AHNAK: variants seen among roughly 807,000 people sequenced by gnomAD.
AHNAK encodes the protein AHNAK nucleoprotein.
Under a neutral mutation model 37.8 loss-of-function variants are expected in AHNAK, and 23 were observed. The ratio of observed to expected loss-of-function variants is 0.61; its 90% CI spans 0.44 to 0.86. The LOEUF is 0.86. Among genes scored for constraint, AHNAK ranks in the 40% least tolerant of loss-of-function variants. AHNAK has a pLI of 0.00. For synonymous variants in AHNAK, 2,481 were observed against 2,636.3 expected (o/e 0.94, Z 1.80); for missense variants, 7,411 against 7,319.4 (o/e 1.01, Z -0.46).
intron 4 of AHNAK, 108 bp from the exon 5 acceptor site, chr11:62,534,182 G>A (rs1460682660): frequency 4.8e-6 from 6 of 1,238,464 alleles, no homozygotes; most frequent in Non-Finnish European, 5.4e-6. Flanking sequence ...AGAGAAGCTG[G>A]GACCAAAACA....
intron 1 of AHNAK, among the ~76,000 whole-genome samples, chr11:62,538,697 G>T (rs558980576): frequency 6.6e-5 from 10 of 152,212 alleles, no homozygotes; most frequent in Admixed American, 2.0e-4. Context: ...CATCACTCAC[G>T]CACCCATGTG....
chr11:62,526,106 T>C lies in AHNAK; in HGVS notation c.8311A>G (p.Met2771Val), dbSNP rs776630987. Residue 2771 changes from methionine (M) to valine (V), a missense_variant, in exon 5 of 5, where the codon ATG becomes GTG. Physicochemically the swap from Met to Val is conservative, Grantham distance 21. Transcript: ENST00000378024. ...AAGCCAGGCATGCTGATCTTGGGCATTTTTATCTTGGGCATCTTTAGGTGC... is the reference window on the plus strand; with the variant it reads ...AAGCCAGGCATGCTGATCTTGGGCACTTTTATCTTGGGCATCTTTAGGTGC... ...DWHLKMPKIK[M>V]PKISMPGFKG... 40 of 1,613,218 alleles carry C rather than the reference T, an allele frequency of 2.5e-5. No homozygotes were observed. In the East Asian group the frequency reaches 8.0e-4, roughly 32 times the overall value.
At chr11:62,446,266 C>T (rs1938421656) in intron 5 of AHNAK, among the ~76,000 whole-genome samples, 1 of 152,094 alleles carries the variant, frequency 6.6e-6, no homozygotes, top group South Asian at 2.1e-4. Flanking sequence ...AGGACCTGAA[C>T]CTGGAACCTG....
intron 5 of AHNAK, among the ~76,000 whole-genome samples, chr11:62,484,638 G>A (rs1385726163): frequency 1.3e-5 from 2 of 152,066 alleles, no homozygotes; most frequent in South Asian, 2.1e-4. Context: ...GAAAAGATGG[G>A]GTCTGAAGAG....
chr11:62,526,526 C>T lies in AHNAK; in HGVS notation c.7891G>A (p.Gly2631Ser), dbSNP rs767093020. 3 of 1,612,994 alleles carry T rather than the reference C, an allele frequency of 1.9e-6. No homozygotes were observed. The highest frequency in any genetic ancestry group is 4.5e-5 in the East Asian group (2 of 44,786). The change falls in exon 5 of 5, where the codon GGC becomes AGC. Residue 2631 changes from glycine to serine, a missense_variant. Physicochemically the swap from Gly to Ser is moderately conservative, Grantham distance 56. Coordinates refer to ENST00000378024, the MANE Select transcript of AHNAK (RefSeq NM_001620.3). ...GGCATCTTCAGGTGCCAGTCTGGGC[C>T]TTGAACACCCACATCTGGGGCATTA... Reference protein sequence around the residue: ...DINAPDVGVQGPDWHLKMPKV... With the variant: ...DINAPDVGVQSPDWHLKMPKV...
intron 5 of AHNAK, among the ~76,000 whole-genome samples, chr11:62,458,238 A>T (rs899683274): frequency 5.3e-5 from 8 of 152,044 alleles, no homozygotes; most frequent in Admixed American, 1.3e-4. Context: ...AAATTTTTTT[A>T]AAAAGAGAGA....
chr11:62,522,166 A>C lies in AHNAK; in HGVS notation c.12251T>G (p.Leu4084Trp), dbSNP rs1040753253. The C allele has an allele frequency of 3.1e-6, 5 of 1,613,668 alleles. No individual in the cohort carries two copies. Among genetic ancestry groups the C allele is most frequent in the African/African-American group, 1.3e-5 (1 of 74,816 alleles). The change falls in exon 5 of 5, where the codon TTG becomes TGG. Residue 4084 changes from leucine to tryptophan, a missense_variant. Leu to Trp is a moderately conservative substitution (Grantham distance 61, BLOSUM62 -2). Coordinates refer to ENST00000378024, the MANE Select transcript of AHNAK (RefSeq NM_001620.3). ...KGEGPEVDVN[L>W]PKADIDVSGP... ...TGAGACATCAATGTCAGCTTTGGGC[A>C]AATTAACATCCACTTCTGGGCCCTC...
Position 62,531,233 on chromosome 11 carries a change from A to G in AHNAK, c.3184T>C (p.Phe1062Leu). The stretch of plus-strand genomic sequence containing the variant: ...GGCAAAGACATCTTAGGAGCTCTGA[A>G]GTGCATCTCAGGCATCTTAAACTTC... ...GPKFKMPEMH[F>L]RAPKMSLPDV... Residue 1062 changes from phenylalanine (F) to leucine (L), a missense_variant, in exon 5 of 5, where the codon TTC becomes CTC. Coordinates refer to ENST00000378024, the MANE Select transcript of AHNAK (RefSeq NM_001620.3). 1 of 1,614,084 alleles carries G rather than the reference A, an allele frequency of 6.2e-7. No homozygotes were observed. Among genetic ancestry groups the G allele is most frequent in the Non-Finnish European group, 8.5e-7 (1 of 1,180,004 alleles).
In AHNAK at chr11:62,525,932, G is replaced by A. The variant is rs752978847; in HGVS notation, c.8485C>T (p.His2829Tyr). The A allele has an allele frequency of 6.2e-7, 1 of 1,613,768 alleles. No homozygotes were observed. The highest frequency in any genetic ancestry group is 2.2e-5 in the East Asian group (1 of 44,836). Residue 2829 changes from histidine (H) to tyrosine (Y), a missense_variant, in exon 5 of 5, where the codon CAT (histidine) becomes TAT (tyrosine). His to Tyr is a moderately conservative substitution (Grantham distance 83, BLOSUM62 2). Coordinates refer to ENST00000378024, the MANE Select transcript of AHNAK (RefSeq NM_001620.3). ...KSPKFKMPEM[H>Y]FKTPKISMPD... ...ATGGATATCTTTGGAGTCTTAAAATGCATCTCTGGCATCTTAAACTTTGGA... is the reference window on the plus strand; with the variant it reads ...ATGGATATCTTTGGAGTCTTAAAATACATCTCTGGCATCTTAAACTTTGGA...
Position 62,499,668 on chromosome 11 carries a change from A to AG in AHNAK, c.343-7838dup, listed in dbSNP as rs1183580684. On this transcript the variant is annotated intron_variant, in intron 4 of 5. Transcript: ENST00000257247. Reference sequence around the variant, plus strand: ...CACAAAGGGGAAAGGGGTGTGGCCGAGTGCTGGTGGGGCTTAGGAGCTCCT... The same window carrying AG: ...CACAAAGGGGAAAGGGGTGTGGCCGAGGTGCTGGTGGGGCTTAGGAGCTCCT... Among the ~76,000 whole-genome samples the AG allele has an allele frequency of 6.6e-4, 101 of 152,286 alleles. 1 individual carries two copies. In the South Asian group the frequency reaches 0.021, roughly 31 times the overall value.
Position 62,519,053 on chromosome 11 carries a change from G to A in AHNAK, c.15364C>T (p.Leu5122=), listed in dbSNP as rs756855781. 6.2e-7 allele frequency: 1 copy of A among 1,613,286 alleles called. No individual in the cohort carries two copies. Among genetic ancestry groups the A allele is most frequent in the Non-Finnish European group, 8.5e-7 (1 of 1,179,468 alleles). Residue 5122 remains leucine (L), a synonymous_variant, in exon 5 of 5, where the codon CTG becomes TTG. Transcript: ENST00000378024. ...KLEGELQAPD[L]ELSLPAIHVE... ...TGAATCGCTGGCAAAGAAAGTTCCA[G>A]ATCAGGTGCCTGGAGTTCACCCTCC...
chr11:62,464,947 C>G (rs529487773), intron 5 of AHNAK, among the ~76,000 whole-genome samples: 10 of 152,368 alleles, frequency 6.6e-5, no homozygotes, highest in Non-Finnish European at 1.2e-4. Context: ...CAGTAACAAA[C>G]AGCTCCTGGA....
chr11:62,503,947 G>A (rs935112440), intron 4 of AHNAK, among the ~76,000 whole-genome samples: 2 of 151,978 alleles, frequency 1.3e-5, no homozygotes, highest in Non-Finnish European at 2.9e-5. Context: ...GATCACCTGA[G>A]GTCAGGAGTT....
At chr11:62,477,332 C>A (rs912645923) in intron 5 of AHNAK, among the ~76,000 whole-genome samples, 4 of 152,016 alleles carry the variant, frequency 2.6e-5, no homozygotes, top group Non-Finnish European at 5.9e-5. Context: ...GGTCTGAAGC[C>A]GCAATTATTT....
rs769805147 is a variant in AHNAK at position 62,433,817 on chromosome 11, G to A, written c.*67C>T. The A allele has an allele frequency of 2.5e-5, 40 of 1,605,870 alleles. No homozygotes were observed. In the East Asian group the frequency reaches 8.7e-4, roughly 35 times the overall value. On this transcript the variant is annotated 3_prime_UTR_variant, in exon 6 of 6. Transcript: ENST00000257247. ...AGCAATATGTAATTTCCCATTTTTA[G>A]AACAATGCTCCAAAGAACGGTCACA...
chr11:62,483,017 C>A (rs1939306613), intron 5 of AHNAK, among the ~76,000 whole-genome samples: 1 of 152,114 alleles, frequency 6.6e-6, no homozygotes, highest in Non-Finnish European at 1.5e-5. Context: ...CATTTGAACA[C>A]CAAAAGGACA....
rs1438164456 is a variant in AHNAK at position 62,520,260 on chromosome 11, G to A, written c.14157C>T (p.Pro4719=). 6.2e-7 allele frequency: 1 copy of A among 1,611,786 alleles called. No homozygotes were observed. Among genetic ancestry groups the A allele is most frequent in the Non-Finnish European group, 8.5e-7 (1 of 1,179,428 alleles). The part of the protein sequence containing the change: ...FKMPEMSIKA[P]KISMPDIDLN... Reference sequence around the variant, plus strand: ...AGTCAATATCAGGCATGGAGATCTTGGGGGCTTTGATGCTCATCTCAGGCA... The same window carrying A: ...AGTCAATATCAGGCATGGAGATCTTAGGGGCTTTGATGCTCATCTCAGGCA... The change falls in exon 5 of 5, where the codon CCC becomes CCT. Residue 4719 remains proline, a synonymous_variant. Transcript: ENST00000378024.
rs1216461945 is a variant in AHNAK at position 62,526,666 on chromosome 11, A to C, written c.7751T>G (p.Phe2584Cys). 6.2e-7 allele frequency: 1 copy of C among 1,612,240 alleles called. No individual in the cohort carries two copies. The highest frequency in any genetic ancestry group is 1.7e-5 in the Admixed American group (1 of 59,778). The change falls in exon 5 of 5, where the codon TTT becomes TGT. Residue 2584 changes from phenylalanine to cysteine, a missense_variant. Phe to Cys is a radical substitution (Grantham distance 205, BLOSUM62 -2). Coordinates refer to ENST00000378024, the MANE Select transcript of AHNAK (RefSeq NM_001620.3). The stretch of plus-strand genomic sequence containing the variant: ...CTTGGGACCTTTCAGATGCAAATCA[A>C]AGTCAGGCATGGAGATCTTGGGGGC... ...IKAPKISMPD[F>C]DLHLKGPKVK...
intron 4 of AHNAK, among the ~76,000 whole-genome samples, chr11:62,492,561 C>A (rs1005682653): frequency 4.6e-5 from 7 of 152,148 alleles, no homozygotes; most frequent in African/African-American, 1.7e-4. Context: ...CCAAGTCTAA[C>A]ACCATCCCAG....
Sources: allele counts gnomAD v4.1 joint callset (sites outside exome capture counted in the v4.1 genomes callset), GRCh38; gene constraint gnomAD v4.1.1; transcripts MANE v1.5; gene names NCBI Gene and HGNC (gene_info 2026-07-23, HGNC 2026-07-21).